Variants in PKP4 observed in about 807,000 individuals in gnomAD.
PKP4 encodes the protein plakophilin 4, also known as plakophilin-4.
In PKP4, 90 loss-of-function variants were observed where a neutral mutation model predicts 145.1. The ratio of observed to expected loss-of-function variants is 0.62; its 90% CI spans 0.52 to 0.74. The LOEUF (loss-of-function observed/expected upper bound fraction) is 0.74. Among genes scored for constraint, PKP4 ranks in the 30% least tolerant of loss-of-function variants. PKP4 has a pLI of 0.00. For missense variants in PKP4, 1,340 were observed against 1,482.7 expected (o/e 0.90, Z 1.58); for synonymous variants, 563 against 577.2 (o/e 0.98, Z 0.35).
chr2:158,579,590 T>C (rs2048153053), intron 3 of PKP4, among the ~76,000 whole-genome samples: 2 of 152,062 alleles, frequency 1.3e-5, no homozygotes, highest in Non-Finnish European at 2.9e-5. Context: ...GTAAAACAGA[T>C]ACAAAGCATG....
At chr2:158,599,712 C>T (rs1386752776) in intron 3 of PKP4, among the ~76,000 whole-genome samples, 1 of 152,142 alleles carries the variant, frequency 6.6e-6, no homozygotes, top group Non-Finnish European at 1.5e-5. Context: ...TGGATATCAA[C>T]TCATGGAGTC....
intron 1 of PKP4, among the ~76,000 whole-genome samples, chr2:158,514,936 G>A (rs554366848): frequency 6.6e-6 from 1 of 151,614 alleles, no homozygotes; most frequent in Non-Finnish European, 1.5e-5. Context: ...GTGAGACGCT[G>A]TCTCAAAAAA....
At chr2:158,583,512 A>C (rs1484715305) in intron 3 of PKP4, among the ~76,000 whole-genome samples, 1 of 152,216 alleles carries the variant, frequency 6.6e-6, no homozygotes, top group Non-Finnish European at 1.5e-5. Context: ...ACTACTATAC[A>C]TTTTAAGTCA....
rs3836167 is a variant in PKP4, at chr2:158,627,650, A to AATAT, written c.1153+2235_1153+2238dup. 1.2e-4 allele frequency among the ~76,000 whole-genome samples: 18 copies of AATAT among 147,650 alleles called. No individual in the cohort carries two copies. The East Asian group carries it at 1.4e-3, about 11-fold the overall frequency. On this transcript the variant is annotated intron_variant, in intron 7 of 21. Transcript: ENST00000389759. ...TAATTTAAATGATACAAACTACAGA[A>AATAT]ATATATATATATATACTCTAAAATG...
At chr2:158,465,291 G>T (rs1214700226) in intron 1 of PKP4, among the ~76,000 whole-genome samples, 2 of 152,094 alleles carry the variant, frequency 1.3e-5, no homozygotes, top group African/African-American at 4.8e-5. Context: ...TAAATTACCC[G>T]ATTCTAGAGA....
At chr2:158,535,636 T>C (rs979549467) in intron 2 of PKP4, among the ~76,000 whole-genome samples, 1 of 152,138 alleles carries the variant, frequency 6.6e-6, no homozygotes, top group Non-Finnish European at 1.5e-5. Flanking sequence ...CCTAGACTGG[T>C]CTTGAACTCC....
chr2:158,555,754 T>C (rs2046034386), intron 2 of PKP4, among the ~76,000 whole-genome samples: 1 of 152,338 alleles, frequency 6.6e-6, no homozygotes, highest in Admixed American at 6.5e-5. Flanking sequence ...GATCATGATA[T>C]AATTCGTAGG....
rs368712732 is a variant in PKP4 at position 158,600,917 on chromosome 2, C to T, written c.246-2153C>T. On this transcript the variant is annotated intron_variant, in intron 3 of 21. Transcript: ENST00000389759. ...AGGAATACCTATTATATTTTGGTAACCAAAGGTCCTTTCAGCAGCAAAAAT... is the reference window on the plus strand; with the variant it reads ...AGGAATACCTATTATATTTTGGTAATCAAAGGTCCTTTCAGCAGCAAAAAT... 2.6e-5 allele frequency among the ~76,000 whole-genome samples: 4 copies of T among 152,220 alleles called. No homozygotes were observed. The East Asian group carries it at 5.8e-4, about 22-fold the overall frequency.
intron 1 of PKP4, among the ~76,000 whole-genome samples, chr2:158,490,561 A>C (rs1238464319): frequency 3.9e-5 from 6 of 152,196 alleles, no homozygotes; most frequent in Non-Finnish European, 8.8e-5. Context: ...AGAGGATTGA[A>C]GTTTAGAAAG....
At chr2:158,535,276 C>G (rs1574351348) in intron 2 of PKP4, among the ~76,000 whole-genome samples, 1 of 152,080 alleles carries the variant, frequency 6.6e-6, no homozygotes, top group Non-Finnish European at 1.5e-5. Flanking sequence ...AACTAATTAC[C>G]ATTCACCTTA....
At chr2:158,617,954 G>A (rs1374553172) in intron 4 of PKP4, among the ~76,000 whole-genome samples, 2 of 152,164 alleles carry the variant, frequency 1.3e-5, no homozygotes, top group African/African-American at 2.4e-5. Context: ...AGGCCAAGAT[G>A]GGCAGATCAC....
chr2:158,608,808 C>T (rs373675087), intron 4 of PKP4, among the ~76,000 whole-genome samples: 24 of 86,164 alleles, frequency 2.8e-4, no homozygotes, highest in African/African-American at 3.6e-4. Context: ...TCTTTTCTTT[C>T]TTTTTTTTTT....
At chr2:158,474,487 A>T (rs554833899) in intron 1 of PKP4, among the ~76,000 whole-genome samples, 1 of 152,364 alleles carries the variant, frequency 6.6e-6, no homozygotes, top group East Asian at 1.9e-4. Flanking sequence ...GTCAAAGTTA[A>T]GCCCAATAAA....
At chr2:158,478,219 T>G (rs1203318691) in intron 1 of PKP4, among the ~76,000 whole-genome samples, 1 of 151,970 alleles carries the variant, frequency 6.6e-6, no homozygotes, top group Non-Finnish European at 1.5e-5. Context: ...TTAGATTTTT[T>G]TTTTGATTAG....
chr2:158,481,811 G>A (rs572369488), intron 1 of PKP4, among the ~76,000 whole-genome samples: 5 of 152,260 alleles, frequency 3.3e-5, no homozygotes, highest in Admixed American at 1.3e-4. Context: ...TAATATATAA[G>A]TAAAATGTAC....
At chr2:158,654,168 G>T (rs1265278988) in intron 11 of PKP4, among the ~76,000 whole-genome samples, 1 of 152,216 alleles carries the variant, frequency 6.6e-6, no homozygotes, top group Non-Finnish European at 1.5e-5. Flanking sequence ...AAAATGGTGA[G>T]TTAAATCCAT....
At chr2:158,578,559 A>G (rs920796571) in intron 3 of PKP4, among the ~76,000 whole-genome samples, 3 of 152,126 alleles carry the variant, frequency 2.0e-5, no homozygotes, top group African/African-American at 7.2e-5. Context: ...AATATTTTTT[A>G]GAAATTATCC....
At chr2:158,521,406 A>G (rs2042361552) in intron 1 of PKP4, among the ~76,000 whole-genome samples, 2 of 152,202 alleles carry the variant, frequency 1.3e-5, no homozygotes, top group Admixed American at 1.3e-4. Context: ...ATTATCTTGC[A>G]GTGATATTTC....
At chr2:158,590,629 C>T (rs1173500922) in intron 3 of PKP4, among the ~76,000 whole-genome samples, 1 of 151,888 alleles carries the variant, frequency 6.6e-6, no homozygotes, top group Non-Finnish European at 1.5e-5. Flanking sequence ...AAATGTCTTT[C>T]AGTAAAGACA....
Sources: gnomAD v4.1 joint callset for allele counts (sites outside exome capture counted in the v4.1 genomes callset) on GRCh38, gnomAD v4.1.1 for gene constraint, MANE v1.5 for transcripts, NCBI Gene and HGNC (gene_info 2026-07-23, HGNC 2026-07-21) for gene names.